The following MGAM2 variants were observed in gnomAD, a reference collection of about 807,000 sequenced individuals.
The protein encoded by MGAM2 is maltase-glucoamylase 2 (putative).
Under a neutral mutation model 96.1 loss-of-function variants are expected in MGAM2, and 98 were observed. The observed-to-expected ratio is 1.02, with a 90% CI of 0.87 to 1.21. The LOEUF (loss-of-function observed/expected upper bound fraction) is 1.21, where lower values mean the gene tolerates loss of function less well. Ranked by LOEUF, MGAM2 falls within the 50% of genes most tolerant of loss-of-function variation. MGAM2 has a pLI of 0.00. For missense variants in MGAM2, 2,055 were observed against 1,182.4 expected, an observed-to-expected ratio of 1.74 and a Z score of -10.82; for synonymous variants, 749 against 414.8, an observed-to-expected ratio of 1.81 and a Z score of -9.79.
Position 142,220,953 on chromosome 7 carries a change from A to T in MGAM2, c.6442A>T (p.Asn2148Tyr), listed in dbSNP as rs566930303. Residue 2148 changes from asparagine (N) to tyrosine (Y), a missense_variant, in exon 48 of 48, where the codon AAT becomes TAT. Coordinates refer to ENST00000477922, the MANE Select transcript of MGAM2 (RefSeq NM_001293626.2). ...INNISTPVQT[N>Y]TTNASTSTNV... ...TAATATAAGTACTCCTGTTCAAACAAATACTACTAATGCTAGCACTAGTAC... is the reference window on the plus strand; with the variant it reads ...TAATATAAGTACTCCTGTTCAAACATATACTACTAATGCTAGCACTAGTAC... 1 of 701,780 alleles carries T rather than the reference A, an allele frequency of 1.4e-6. No homozygotes were observed. Among genetic ancestry groups the T allele is most frequent in the Admixed American group, 2.0e-5 (1 of 49,826 alleles). 43.5% of individuals were successfully genotyped at this position (701,780 alleles called of 1,614,324 possible).
chr7:142,152,837 T>C (rs1795619669), intron 15 of MGAM2, among the ~76,000 whole-genome samples: 1 of 151,550 alleles, frequency 6.6e-6, no homozygotes, highest in Non-Finnish European at 1.5e-5. Flanking sequence ...AAGAGGAGAG[T>C]CATTTCAATA....
At chr7:142,195,596 A>T (rs1310327266) in intron 37 of MGAM2, among the ~76,000 whole-genome samples, 1 of 150,456 alleles carries the variant, frequency 6.6e-6, no homozygotes, top group African/African-American at 2.5e-5. Context: ...ACCTCAAGTG[A>T]TCCACCCACC....
intron 14 of MGAM2, 144 bp downstream of exon 14, chr7:142,145,089 T>C: frequency 1.7e-6 from 1 of 572,752 alleles, no homozygotes; most frequent in South Asian, 2.2e-5. Flanking sequence ...CCGAAGTCTC[T>C]GCAGCAGTGT....
At chr7:142,138,468 C>T (rs1795124212) in intron 9 of MGAM2, 74 bp from the exon 10 acceptor site, 1 of 659,640 alleles carries the variant, frequency 1.5e-6, no homozygotes, top group Non-Finnish European at 2.7e-6. Context: ...ACGTTTTCAG[C>T]TCTGGGAACT....
intron 28 of MGAM2, among the ~76,000 whole-genome samples, chr7:142,171,694 TG>T (rs1796198985): frequency 7.0e-6 from 1 of 142,404 alleles, no homozygotes; most frequent in Non-Finnish European, 1.5e-5. Context: ...TATTTCCCTC[TG>T]TCAGTTATGG....
Position 142,164,963 on chromosome 7 carries a change from CG to C in MGAM2, c.2593del (p.Val865SerfsTer3), listed in dbSNP as rs1563270002. On this transcript the variant is annotated frameshift_variant, in exon 24 of 48. Coordinates refer to ENST00000477922, the MANE Select transcript of MGAM2 (RefSeq NM_001293626.2). LOFTEE classifies it high-confidence loss of function. ...TGGACAAACAGCCAGCTAATTTTAT[CG>C]TCCTACTGAATAATGTTGCCACCTC... ...GMDKQPANFI[V>X]LLNNVATSSP... is the part of the protein sequence containing the mutation. 1.4e-6 allele frequency: 1 copy of C among 702,696 alleles called. No homozygotes were observed. Among genetic ancestry groups the C allele is most frequent in the African/African-American group, 1.7e-5 (1 of 57,354 alleles). 43.5% of individuals were successfully genotyped at this position (702,696 alleles called of 1,614,324 possible).
Position 142,167,416 on chromosome 7 carries a change from C to T in MGAM2, c.2957C>T (p.Ser986Phe). ...PESAAAAASD[S>F]LSAKISFLHL... The stretch of plus-strand genomic sequence containing the variant: ...TCAGCTGCTGCTGCCGCCTCTGATT[C>T]TCTCTCTGCAAAGATCAGCTTCCTC... The change falls in exon 26 of 48, where the codon TCT becomes TTT. Residue 986 changes from serine (S) to phenylalanine (F), a missense_variant. Ser to Phe is a radical substitution (Grantham distance 155). Coordinates refer to ENST00000477922, the MANE Select transcript of MGAM2 (RefSeq NM_001293626.2). The T allele has an allele frequency of 5.7e-6, 4 of 702,990 alleles. No homozygotes were observed. The highest frequency in any genetic ancestry group is 1.0e-5 in the Non-Finnish European group (4 of 384,990). The allele number at this position is 702,990 out of a possible 1,614,324, so 43.5% of individuals were successfully genotyped here. A position where few individuals can be genotyped will look rare whatever the true frequency, so the allele number is the denominator to read the frequency against.
At chr7:142,202,149 G>A (rs1370543895) in intron 45 of MGAM2, among the ~76,000 whole-genome samples, 1 of 152,116 alleles carries the variant, frequency 6.6e-6, no homozygotes, top group Non-Finnish European at 1.5e-5. Context: ...ACAGAAAGCA[G>A]AACAGTAGTT....
In MGAM2 at chr7:142,159,202, T is replaced by C. The variant is rs554942333; in HGVS notation, c.2164-85T>C. Reference sequence around the variant, plus strand: ...CAACCATCTCTCAGGATTGTTCAGATAGGCACATGTAATGATGCCTGGAGG... The same window carrying C: ...CAACCATCTCTCAGGATTGTTCAGACAGGCACATGTAATGATGCCTGGAGG... On this transcript the variant is annotated intron_variant, in intron 19 of 47. Transcript: ENST00000477922. 8 of 681,242 alleles carry C rather than the reference T, an allele frequency of 1.2e-5. No individual in the cohort carries two copies. In the East Asian group the frequency reaches 1.9e-4, roughly 16 times the overall value. 42.2% of individuals were successfully genotyped at this position (681,242 alleles called of 1,614,324 possible). A position where few individuals can be genotyped will look rare whatever the true frequency, so the allele number is the denominator to read the frequency against.
At chr7:142,177,572 C>G (rs188003788) in intron 32 of MGAM2, among the ~76,000 whole-genome samples, 1 of 152,294 alleles carries the variant, frequency 6.6e-6, no homozygotes, top group East Asian at 1.9e-4. Flanking sequence ...ACCTTTATAT[C>G]TATGTGTACC....
intron 39 of MGAM2, 46 bp downstream of exon 39, chr7:142,196,645 T>C: frequency 1.3e-6 from 1 of 748,010 alleles, no homozygotes; most frequent in East Asian, 2.5e-5. Flanking sequence ...CAGATTTTAG[T>C]GAGTCAGCGC....
At chr7:142,204,261 AT>A (rs1797330093) in intron 45 of MGAM2, among the ~76,000 whole-genome samples, 2 of 151,906 alleles carry the variant, frequency 1.3e-5, no homozygotes, top group African/African-American at 4.8e-5. Context: ...TATATTTTAA[AT>A]TTCTCCTAAC....
intron 44 of MGAM2, 92 bp downstream of exon 44, chr7:142,198,831 G>A (rs1219054938): frequency 1.6e-6 from 1 of 615,362 alleles, no homozygotes; most frequent in Non-Finnish European, 2.9e-6. Context: ...AGGGATATGT[G>A]GATTATAAAC....
chr7:142,145,107 C>T (rs1408075500), intron 14 of MGAM2, among the ~76,000 whole-genome samples, 162 bp downstream of exon 14: 4 of 152,150 alleles, frequency 2.6e-5, no homozygotes, highest in Non-Finnish European at 5.9e-5. Flanking sequence ...TGTTGGGTCT[C>T]TGATTACCCT....
At chr7:142,152,319 G>A (rs1246678197) in intron 15 of MGAM2, among the ~76,000 whole-genome samples, 1 of 152,140 alleles carries the variant, frequency 6.6e-6, no homozygotes, top group African/African-American at 2.4e-5. Flanking sequence ...ATTGATTACT[G>A]CAGAGTATAA....
chr7:142,183,375 T>C lies in MGAM2; in HGVS notation c.3924+2T>C, dbSNP rs775541862. 1.4e-6 allele frequency: 1 copy of C among 702,772 alleles called. No homozygotes were observed. Among genetic ancestry groups the C allele is most frequent in the Admixed American group, 2.0e-5 (1 of 49,990 alleles). 43.5% of individuals were successfully genotyped at this position (702,772 alleles called of 1,614,324 possible). ...ACCAATGACATTGTCTGGGGAAAGG[T>C]AAGGCTTGGGGAAGATGCTTACAGT... is the stretch of plus-strand genomic sequence containing the variant. On this transcript the variant is annotated splice_donor_variant, in intron 33 of 47. Coordinates refer to ENST00000477922, the MANE Select transcript of MGAM2 (RefSeq NM_001293626.2). LOFTEE classifies it high-confidence loss of function.
intron 15 of MGAM2, 39 bp from the exon 16 acceptor site, chr7:142,153,979 C>T: frequency 1.8e-6 from 1 of 545,652 alleles, no homozygotes; most frequent in South Asian, 2.6e-5. Context: ...TAGACATTCA[C>T]AGCCCACCTC....
intron 43 of MGAM2, 39 bp downstream of exon 43, chr7:142,198,234 A>G (rs1293566513): frequency 5.7e-6 from 4 of 698,122 alleles, no homozygotes; most frequent in African/African-American, 3.5e-5. Context: ...AGTTTGGTCT[A>G]TGCAGGGTGG....
At chr7:142,182,511 C>T (rs868430216) in intron 32 of MGAM2, among the ~76,000 whole-genome samples, 3 of 152,180 alleles carry the variant, frequency 2.0e-5, no homozygotes, top group Non-Finnish European at 4.4e-5. Flanking sequence ...TCCTCATGGT[C>T]GTGTTTTGCT....
Sources: allele counts gnomAD v4.1 joint callset (sites outside exome capture counted in the v4.1 genomes callset), GRCh38; gene constraint gnomAD v4.1.1; transcripts MANE v1.5; gene names NCBI Gene and HGNC (gene_info 2026-07-23, HGNC 2026-07-21).